FMO2: variants seen among roughly 807,000 people sequenced by gnomAD.
FMO2 encodes flavin-containing monooxygenase 2.
Under a neutral mutation model 41.6 loss-of-function variants are expected in FMO2, and 33 were observed. That is an observed-to-expected ratio of 0.79 (90% CI 0.60 to 1.06). The LOEUF (loss-of-function observed/expected upper bound fraction) is 1.06. Ranked by LOEUF, FMO2 falls within the 50% of genes least tolerant of loss-of-function variation. The pLI is 0.00. For synonymous variants in FMO2, 214 were observed against 219.6 expected (o/e 0.97, Z 0.23); for missense variants, 619 against 632.9 (o/e 0.98, Z 0.23).
intron 2 of FMO2, among the ~76,000 whole-genome samples, chr1:171,188,331 C>T (rs1657940144): frequency 6.6e-6 from 1 of 152,068 alleles, no homozygotes; most frequent in South Asian, 2.1e-4. Flanking sequence ...TTAGAGATAA[C>T]TTCCTATTCA....
Position 171,209,324 on chromosome 1 carries a change from A to G in FMO2, c.*179A>G, listed in dbSNP as rs1658887978. On this transcript the variant is annotated 3_prime_UTR_variant, in exon 9 of 9. Transcript: ENST00000209929. Reference sequence around the variant, plus strand: ...AATTAGGCATATGTACAAAACCAAAATTTTGTCATGAAATTTTGCCTTTCC... The same window carrying G: ...AATTAGGCATATGTACAAAACCAAAGTTTTGTCATGAAATTTTGCCTTTCC... The G allele has an allele frequency of 2.6e-6, 1 of 391,560 alleles. No individual in the cohort carries two copies. Among genetic ancestry groups the G allele is most frequent in the Non-Finnish European group, 4.5e-6 (1 of 222,374 alleles). The allele number at this position is 391,560 out of a possible 1,614,324, so 24.3% of individuals were successfully genotyped here. A position where few individuals can be genotyped will look rare whatever the true frequency, so the allele number is the denominator to read the frequency against.
chr1:171,205,465 T>C lies in FMO2; in HGVS notation c.1014T>C (p.Leu338=). 6.2e-7 allele frequency: 1 copy of C among 1,613,872 alleles called. No homozygotes were observed. ...ATGYSFSFPF[L]EDSLVKVENN... The stretch of plus-strand genomic sequence containing the variant: ...GATATAGTTTCTCTTTTCCCTTCCT[T>C]GAAGATTCACTCGTTAAAGTAGAGA... Residue 338 remains leucine (L), a synonymous_variant, in exon 7 of 9, where the codon CTT becomes CTC. Transcript: ENST00000209929.
Position 171,200,023 on chromosome 1 carries a change from C to G in FMO2, c.627+535C>G, listed in dbSNP as rs180882805. Among the ~76,000 whole-genome samples the G allele has an allele frequency of 2.6e-3, 393 of 152,230 alleles. 4 individuals are homozygous for G. Among genetic ancestry groups the G allele is most frequent in the African/African-American group, 9.1e-3 (379 of 41,538 alleles). The stretch of plus-strand genomic sequence containing the variant: ...TGCACAACCACACCCAGCCAAGAGG[C>G]CTTGTTTCTACCTGGATGTTTAATG... On this transcript the variant is annotated intron_variant, in intron 5 of 8. Transcript: ENST00000209929.
At chr1:171,191,860 C>CAA (rs61114452) in intron 2 of FMO2, among the ~76,000 whole-genome samples, 1,700 of 73,666 alleles carry the variant, frequency 0.023, 62 homozygotes, top group African/African-American at 0.088. Flanking sequence ...CTCATCTCTA[C>CAA]AAAAAAAAAA....
intron 3 of FMO2, among the ~76,000 whole-genome samples, chr1:171,194,014 A>C (rs1389111123): frequency 6.6e-6 from 1 of 152,128 alleles, no homozygotes; most frequent in Non-Finnish European, 1.5e-5. Context: ...TCCTGACCTC[A>C]AGTGATCCAC....
In FMO2 at chr1:171,185,803, CTT is replaced by C. The variant is rs758163511; in HGVS notation, c.92_93del (p.Phe31Ter). 3 of 1,613,744 alleles carry C rather than the reference CTT, an allele frequency of 1.9e-6. No homozygotes were observed. The highest frequency in any genetic ancestry group is 2.5e-6 in the Non-Finnish European group (3 of 1,179,788). On this transcript the variant is annotated frameshift_variant, in exon 2 of 9. Coordinates refer to ENST00000209929, the MANE Select transcript of FMO2 (RefSeq NM_001460.5). LOFTEE classifies it high-confidence loss of function. ...CVDEGLEPTCFERTEDIGGVW... is the reference protein window; with the variant it reads ...CVDEGLEPTCXERTEDIGGVW... ...TGGATGAGGGACTTGAGCCCACTTG[CTT>C]TGAGAGAACTGAAGATATTGGAGGA...
chr1:171,207,844 A>G (rs1658828987), intron 8 of FMO2, 54 bp downstream of exon 8: 2 of 1,168,816 alleles, frequency 1.7e-6, no homozygotes, highest in Non-Finnish European at 2.6e-6. Context: ...AAGTACAGTG[A>G]TCTAACTACT....
chr1:171,205,489 G>C lies in FMO2; in HGVS notation c.1038G>C (p.Glu346Asp). Residue 346 changes from glutamate (E) to aspartate (D), a missense_variant, in exon 7 of 9, where the codon GAG becomes GAC. Transcript: ENST00000209929. The stretch of plus-strand genomic sequence containing the variant: ...TTGAAGATTCACTCGTTAAAGTAGA[G>C]AATAATATGGTCTCACTGTATAAAT... Reference protein sequence around the residue: ...PFLEDSLVKVENNMVSLYKYI... With the variant: ...PFLEDSLVKVDNNMVSLYKYI... The C allele has an allele frequency of 6.2e-7, 1 of 1,613,812 alleles. No homozygotes were observed.
At chr1:171,206,334 G>A (rs762128705) in intron 7 of FMO2, among the ~76,000 whole-genome samples, 15 of 152,140 alleles carry the variant, frequency 9.9e-5, no homozygotes, top group African/African-American at 3.1e-4. Context: ...AAAGGAAAAC[G>A]TCCTGGATAA....
intron 2 of FMO2, among the ~76,000 whole-genome samples, chr1:171,186,916 G>A (rs1284577247): frequency 3.3e-5 from 5 of 152,204 alleles, no homozygotes; most frequent in African/African-American, 9.7e-5. Context: ...ACAGGAAAGT[G>A]TGATTATCTC....
At chr1:171,187,292 A>G (rs10798252) in intron 2 of FMO2, among the ~76,000 whole-genome samples, 86,098 of 152,088 alleles carry the variant, frequency 0.57, 27,185 homozygotes, top group African/African-American at 0.85. Context: ...CCAAATGGGA[A>G]CAAAAGGTTT....
intron 3 of FMO2, among the ~76,000 whole-genome samples, chr1:171,195,434 C>T (rs1160563575): frequency 2.0e-5 from 3 of 152,180 alleles, no homozygotes; most frequent in Non-Finnish European, 4.4e-5. Flanking sequence ...TCCTGATCCT[C>T]AAATCACATT....
At chr1:171,197,028 G>C (rs926467633) in intron 4 of FMO2, among the ~76,000 whole-genome samples, 1 of 152,166 alleles carries the variant, frequency 6.6e-6, no homozygotes, top group Non-Finnish European at 1.5e-5. Flanking sequence ...AACTTCCTTG[G>C]AAGTCACTAA....
rs1180823099 is a variant in FMO2, at chr1:171,207,709, A to T, written c.1184-9A>T. On this transcript the variant is annotated splice_polypyrimidine_tract_variant and intron_variant, in intron 7 of 8. Transcript: ENST00000209929. ...AACTTACTATTCAAACCAACCTTTT[A>T]TTCCTTAGGCTTGTGTAGCCTGCCC... The T allele has an allele frequency of 6.3e-7, 1 of 1,586,240 alleles. No individual in the cohort carries two copies. The highest frequency in any genetic ancestry group is 8.6e-7 in the Non-Finnish European group (1 of 1,161,192).
chr1:171,207,403 T>G (rs1658804969), intron 7 of FMO2: 1 of 245,154 alleles, frequency 4.1e-6, no homozygotes, highest in Non-Finnish European at 7.7e-6. Context: ...TCCACTGATT[T>G]GATTTGGGGC....
chr1:171,192,765 C>CAA lies in FMO2; in HGVS notation c.133-549_133-548dup, dbSNP rs71561558. On this transcript the variant is annotated intron_variant, in intron 2 of 8. Transcript: ENST00000209929. ...TGGGTGACAGAGCGAGACTCTGTCT[C>CAA]AAAAAAAAAAAAAAAAAAAAAAGAT... 8.1e-4 allele frequency among the ~76,000 whole-genome samples: 90 copies of CAA among 111,316 alleles called. 1 individual carries two copies. Among genetic ancestry groups the CAA allele is most frequent in the African/African-American group, 1.2e-3 (38 of 31,980 alleles). 73.0% of individuals were successfully genotyped at this position (111,316 alleles called of 152,430 possible).
At position 171,208,172 on chromosome 1, in the gene FMO2, G is replaced by A. The variant is rs76730019; in HGVS notation, c.1256+382G>A. ...GGTGGTGATAGTAGCTTGAATAGCT[G>A]TGAAAAGTTAGAGAATCCCCATCAG... On this transcript the variant is annotated intron_variant, in intron 8 of 8. Transcript: ENST00000209929. Among the ~76,000 whole-genome samples, 1,414 of 152,254 alleles carry A rather than the reference G, an allele frequency of 9.3e-3. 22 individuals carry two copies. The highest frequency in any genetic ancestry group is 0.033 in the African/African-American group (1,365 of 41,532).
Position 171,207,734 on chromosome 1 carries a change from C to G in FMO2, c.1200C>G (p.Pro400=). The G allele has an allele frequency of 1.9e-6, 3 of 1,609,836 alleles. No homozygotes were observed. Among genetic ancestry groups the G allele is most frequent in the East Asian group, 2.2e-5 (1 of 44,814 alleles). Residue 400 remains proline (P), a synonymous_variant, in exon 8 of 9, where the codon CCC becomes CCG. Coordinates refer to ENST00000209929, the MANE Select transcript of FMO2 (RefSeq NM_001460.5). ...ATTCCTTAGGCTTGTGTAGCCTGCC[C>G]TCAGAGAGAACTATGATGATGGACA... The part of the protein sequence containing the change: ...TRVFKGLCSL[P]SERTMMMDII...
intron 4 of FMO2, among the ~76,000 whole-genome samples, chr1:171,197,680 T>C (rs762241243): frequency 3.3e-4 from 50 of 152,224 alleles, no homozygotes; most frequent in Non-Finnish European, 6.0e-4. Flanking sequence ...GATTGAGTAG[T>C]AAGAGCTCTG....
Sources: allele counts gnomAD v4.1 joint callset (sites outside exome capture counted in the v4.1 genomes callset), GRCh38; gene constraint gnomAD v4.1.1; transcripts MANE v1.5; gene names NCBI Gene and HGNC (gene_info 2026-07-23, HGNC 2026-07-21).